The following PTPN14 variants were observed in gnomAD, a reference collection of about 807,000 sequenced individuals.
PTPN14 encodes the protein protein tyrosine phosphatase non-receptor type 14, also known as tyrosine-protein phosphatase non-receptor type 14.
PTPN14 carries 53 observed loss-of-function variants against 126.8 expected under a neutral mutation model. The ratio of observed to expected loss-of-function variants is 0.42; its 90% confidence interval spans 0.34 to 0.53. PTPN14 has a LOEUF of 0.53. Ranked by LOEUF, PTPN14 falls within the 20% of genes least tolerant of loss-of-function variation. PTPN14 has a pLI of 0.08. For missense variants in PTPN14, 1,257 were observed against 1,552.9 expected (o/e 0.81, Z 3.20); for synonymous variants, 630 against 599.3 (o/e 1.05, Z -0.75).
chr1:214,380,818 A>G (rs1658455424), intron 13 of PTPN14, among the ~76,000 whole-genome samples: 2 of 152,186 alleles, frequency 1.3e-5, no homozygotes, highest in Non-Finnish European at 1.5e-5. Flanking sequence ...GAGTTTTTGC[A>G]TTAAAAACAA....
At chr1:214,433,334 G>A (rs1233075503) in intron 3 of PTPN14, among the ~76,000 whole-genome samples, 1 of 151,978 alleles carries the variant, frequency 6.6e-6, no homozygotes, top group Non-Finnish European at 1.5e-5. Context: ...GGAGCTTGAA[G>A]AAACTGGCAG....
intron 1 of PTPN14, among the ~76,000 whole-genome samples, chr1:214,472,186 C>T (rs892147362): frequency 2.0e-5 from 3 of 152,130 alleles, no homozygotes; most frequent in African/African-American, 4.8e-5. Flanking sequence ...TTGTAATCCC[C>T]GATATCAGAG....
chr1:214,434,800 C>G (rs1479774347), intron 3 of PTPN14, among the ~76,000 whole-genome samples: 2 of 152,048 alleles, frequency 1.3e-5, no homozygotes, highest in Non-Finnish European at 2.9e-5. Flanking sequence ...GGGAGAGGGA[C>G]CCACGGCGAA....
chr1:214,380,603 C>T (rs1658450201), intron 13 of PTPN14, among the ~76,000 whole-genome samples: 1 of 152,162 alleles, frequency 6.6e-6, no homozygotes, highest in African/African-American at 2.4e-5. Flanking sequence ...GAGAGCTGCC[C>T]AGAGGGCAAA....
chr1:214,418,716 A>G (rs929131127), intron 3 of PTPN14, among the ~76,000 whole-genome samples: 29 of 152,258 alleles, frequency 1.9e-4, no homozygotes, highest in African/African-American at 7.0e-4. Context: ...TGAAATGAGA[A>G]ACTTTTCCAT....
chr1:214,438,038 G>C (rs562671088), intron 3 of PTPN14, among the ~76,000 whole-genome samples: 1 of 152,258 alleles, frequency 6.6e-6, no homozygotes, highest in South Asian at 2.1e-4. Flanking sequence ...GAACCAACAG[G>C]CTCCCAATGT....
intron 1 of PTPN14, among the ~76,000 whole-genome samples, chr1:214,477,854 G>C (rs2102671141): frequency 6.6e-6 from 1 of 152,264 alleles, no homozygotes; most frequent in Admixed American, 6.5e-5. Flanking sequence ...AGCAAATACT[G>C]TACAGAGTAA....
chr1:214,360,483 A>T (rs895623473), intron 18 of PTPN14, among the ~76,000 whole-genome samples: 6 of 152,232 alleles, frequency 3.9e-5, no homozygotes, highest in African/African-American at 1.4e-4. Flanking sequence ...CTCTGCCTAA[A>T]TTATATTGCA....
intron 1 of PTPN14, among the ~76,000 whole-genome samples, chr1:214,472,410 G>C (rs1254906286): frequency 2.0e-5 from 3 of 152,174 alleles, no homozygotes; most frequent in Non-Finnish European, 1.5e-5. Flanking sequence ...AAGCAGAGCA[G>C]ATGCTGGTGC....
At position 214,408,715 on chromosome 1, in the gene PTPN14, G is replaced by A. The variant is rs79165701; in HGVS notation, c.510+2969C>T. ...TGATTTAACAGGAAGGATGGTGAGG[G>A]TGTATGAGACAGGTGGTTAAGGAAA... On this transcript the variant is annotated intron_variant, in intron 5 of 18. Coordinates refer to ENST00000366956, the MANE Select transcript of PTPN14 (RefSeq NM_005401.5). Among the ~76,000 whole-genome samples, 1,111 of 152,296 alleles carry A rather than the reference G, an allele frequency of 7.3e-3. 4 individuals carry two copies. The highest frequency in any genetic ancestry group is 0.012 in the Non-Finnish European group (845 of 68,026).
At chr1:214,397,130 T>C (rs1164531211) in intron 8 of PTPN14, among the ~76,000 whole-genome samples, 5 of 152,174 alleles carry the variant, frequency 3.3e-5, no homozygotes, top group African/African-American at 1.2e-4. Context: ...CAAAATGACC[T>C]GCTGTGGTTA....
intron 1 of PTPN14, among the ~76,000 whole-genome samples, chr1:214,537,486 C>T (rs146716629): frequency 6.6e-6 from 1 of 152,284 alleles, no homozygotes; most frequent in Non-Finnish European, 1.5e-5. Flanking sequence ...AGTTACTTAG[C>T]CTTTCTAAGC....
intron 1 of PTPN14, among the ~76,000 whole-genome samples, chr1:214,509,322 C>G (rs926427339): frequency 6.6e-6 from 1 of 152,246 alleles, no homozygotes; most frequent in Non-Finnish European, 1.5e-5. Flanking sequence ...TAAACTTGCA[C>G]TTTCATGTTA....
At chr1:214,366,510 C>T (rs1430839562) in intron 17 of PTPN14, among the ~76,000 whole-genome samples, 1 of 152,146 alleles carries the variant, frequency 6.6e-6, no homozygotes, top group African/African-American at 2.4e-5. Flanking sequence ...TAATAAAGTT[C>T]CTTACGCTGT....
chr1:214,505,405 G>T (rs1289055956), intron 1 of PTPN14, among the ~76,000 whole-genome samples: 4 of 152,138 alleles, frequency 2.6e-5, no homozygotes, highest in African/African-American at 9.7e-5. Flanking sequence ...GTCAGATAAG[G>T]ACTGAAAAAC....
intron 4 of PTPN14, among the ~76,000 whole-genome samples, chr1:214,413,875 GC>G (rs1281318886): frequency 6.6e-6 from 1 of 151,870 alleles, no homozygotes. Flanking sequence ...TACCATGTTG[GC>G]CAGGCTGGTC....
intron 1 of PTPN14, among the ~76,000 whole-genome samples, chr1:214,526,847 T>A (rs1655412451): frequency 6.6e-6 from 1 of 152,168 alleles, no homozygotes; most frequent in Admixed American, 6.5e-5. Context: ...ATCCCAGCAC[T>A]TTCGGAGGCC....
chr1:214,372,687 T>A (rs1658246455), intron 16 of PTPN14, 24 bp downstream of exon 16: 1 of 1,613,628 alleles, frequency 6.2e-7, no homozygotes, highest in African/African-American at 1.3e-5. Flanking sequence ...GGAAAAAGGA[T>A]GTGGAGTAGG....
intron 1 of PTPN14, among the ~76,000 whole-genome samples, chr1:214,465,873 C>T (rs1660621963): frequency 1.9e-5 from 1 of 52,716 alleles, no homozygotes; most frequent in Non-Finnish European, 3.5e-5. Flanking sequence ...CTTTTATTTT[C>T]ATGTCTTATG....
Sources: gnomAD v4.1 joint callset for allele counts (sites outside exome capture counted in the v4.1 genomes callset) on GRCh38, gnomAD v4.1.1 for gene constraint, MANE v1.5 for transcripts, NCBI Gene and HGNC (gene_info 2026-07-23, HGNC 2026-07-21) for gene names.